Variants in CFAP100 observed in about 807,000 individuals in gnomAD.
CFAP100 encodes cilia- and flagella-associated protein 100.
A neutral mutation model predicts 81.5 loss-of-function variants in CFAP100; 70 were observed. The ratio of observed to expected loss-of-function variants is 0.86; its 90% CI spans 0.71 to 1.05. CFAP100 has a LOEUF of 1.05. Among genes scored for constraint, CFAP100 ranks in the 50% least tolerant of loss-of-function variants. CFAP100 has a pLI of 0.00. For synonymous variants in CFAP100, 341 were observed against 314.8 expected, an observed-to-expected ratio of 1.08 and a Z score of -0.88; for missense variants, 811 against 776.5, an observed-to-expected ratio of 1.04 and a Z score of -0.53.
At chr3:126,395,893 A>G (rs753014827) in intron 1 of CFAP100, 49 bp from the exon 2 acceptor site, 4 of 923,754 alleles carry the variant, frequency 4.3e-6, no homozygotes, top group Non-Finnish European at 6.9e-6. Flanking sequence ...GGGGGAAGGA[A>G]GCTCTGGGCT....
At chr3:126,427,023 G>A (rs922315165) in intron 13 of CFAP100, among the ~76,000 whole-genome samples, 1 of 152,204 alleles carries the variant, frequency 6.6e-6, no homozygotes, top group African/African-American at 2.4e-5. Context: ...AATAAATAGA[G>A]AGATATTCCA....
At chr3:126,412,426 T>C (rs1194989308) in intron 3 of CFAP100, among the ~76,000 whole-genome samples, 1 of 152,206 alleles carries the variant, frequency 6.6e-6, no homozygotes, top group Non-Finnish European at 1.5e-5. Context: ...CGGGCATCTT[T>C]GGGGGCTGTT....
chr3:126,407,120 C>A, intron 2 of CFAP100, 52 bp from the exon 3 acceptor site: 1 of 1,314,650 alleles, frequency 7.6e-7, no homozygotes, highest in Non-Finnish European at 1.1e-6. Context: ...GTTCACAGTT[C>A]TCATGGGCCA....
intron 3 of CFAP100, among the ~76,000 whole-genome samples, chr3:126,412,369 C>T (rs1284269444): frequency 6.6e-6 from 1 of 152,178 alleles, no homozygotes; most frequent in Admixed American, 6.6e-5. Flanking sequence ...TGCAAAGGCC[C>T]TTTCGCCATA....
chr3:126,400,638 A>G (rs564259423), intron 2 of CFAP100, among the ~76,000 whole-genome samples: 17 of 152,128 alleles, frequency 1.1e-4, no homozygotes, highest in Non-Finnish European at 1.6e-4. Context: ...TGTAGTCCCA[A>G]CTACTCCGGA....
intron 3 of CFAP100, 56 bp downstream of exon 3, chr3:126,407,308 C>T (rs1413218782): frequency 8.5e-7 from 1 of 1,173,138 alleles, no homozygotes; most frequent in Non-Finnish European, 1.3e-6. Context: ...ACTCCTCTCC[C>T]TCTGCCCCCA....
chr3:126,423,345 C>G lies in CFAP100; in HGVS notation c.1103C>G (p.Pro368Arg), dbSNP rs1193371449. The change falls in exon 12 of 17, where the codon CCC becomes CGC. Residue 368 changes from proline (P) to arginine (R), a missense_variant. Transcript: ENST00000352312. ...CGCAGGTCGAACTCTCCCATCCCCC[C>G]CACGCAGGAGGACACCGACAGCGAT... ...DSRGSNSPIP[P>R]TQEDTDSDGE... The G allele has an allele frequency of 3.7e-6, 6 of 1,613,518 alleles. No homozygotes were observed. The highest frequency in any genetic ancestry group is 3.3e-5 in the South Asian group (3 of 90,992).
chr3:126,427,545 TA>T (rs899635574), intron 13 of CFAP100, among the ~76,000 whole-genome samples: 4 of 152,194 alleles, frequency 2.6e-5, no homozygotes, highest in African/African-American at 9.6e-5. Context: ...TGTGTGGACG[TA>T]GGTTTTCAAC....
At chr3:126,414,349 C>A (rs1168098996) in intron 4 of CFAP100, 170 bp downstream of exon 4, 12 of 709,194 alleles carry the variant, frequency 1.7e-5, no homozygotes, top group Non-Finnish European at 3.1e-5. Flanking sequence ...CCTTACCTGG[C>A]TCTCAGGACT....
At position 126,423,366 on chromosome 3, in the gene CFAP100, G is replaced by A; in HGVS notation, c.1124G>A (p.Ser375Asn). 6.8e-6 allele frequency: 11 copies of A among 1,613,734 alleles called. No homozygotes were observed. The highest frequency in any genetic ancestry group is 7.6e-6 in the Non-Finnish European group (9 of 1,179,870). ...CCCCCCACGCAGGAGGACACCGACA[G>A]CGATGGGGAGGTGAATGGCCCAGTG... ...PIPPTQEDTD[S>N]DGEEPQLYFT... Residue 375 changes from serine to asparagine, a missense_variant, in exon 12 of 17, where the codon AGC becomes AAC. Transcript: ENST00000352312.
At chr3:126,405,044 T>C (rs1217687794) in intron 2 of CFAP100, among the ~76,000 whole-genome samples, 4 of 152,190 alleles carry the variant, frequency 2.6e-5, no homozygotes, top group South Asian at 2.1e-4. Context: ...TATATTTAAA[T>C]GTATGGTTCG....
At chr3:126,429,048 G>T (rs896072169) in intron 13 of CFAP100, among the ~76,000 whole-genome samples, 3 of 148,682 alleles carry the variant, frequency 2.0e-5, no homozygotes, top group African/African-American at 5.0e-5. Context: ...GGTGGAGGCT[G>T]CAGTGAGCCA....
At chr3:126,414,643 C>T (rs572454907) in intron 4 of CFAP100, among the ~76,000 whole-genome samples, 35 of 152,330 alleles carry the variant, frequency 2.3e-4, no homozygotes, top group African/African-American at 6.0e-4. Flanking sequence ...GCCCACGGCA[C>T]GCACACACGT....
At chr3:126,405,900 C>G (rs1243775083) in intron 2 of CFAP100, among the ~76,000 whole-genome samples, 1 of 152,028 alleles carries the variant, frequency 6.6e-6, no homozygotes, top group Non-Finnish European at 1.5e-5. Context: ...GGATCCTCCC[C>G]CCTCAGCCTC....
intron 2 of CFAP100, among the ~76,000 whole-genome samples, chr3:126,399,188 A>G (rs2082933494): frequency 6.6e-6 from 1 of 151,968 alleles, no homozygotes; most frequent in Admixed American, 6.5e-5. Flanking sequence ...GGCACGTTCT[A>G]CCCTCTGGCC....
intron 8 of CFAP100, 21 bp from the exon 9 acceptor site, chr3:126,419,616 C>G: frequency 6.2e-7 from 1 of 1,608,790 alleles, no homozygotes; most frequent in Non-Finnish European, 8.5e-7. Context: ...CTTCCCACAT[C>G]CTCACCCCGC....
At chr3:126,413,665 C>G (rs889329154) in intron 3 of CFAP100, among the ~76,000 whole-genome samples, 1 of 152,240 alleles carries the variant, frequency 6.6e-6, no homozygotes, top group African/African-American at 2.4e-5. Flanking sequence ...CCTGAAGAGA[C>G]AGATGCAAGT....
chr3:126,423,275 C>T, intron 11 of CFAP100, 50 bp from the exon 12 acceptor site: 1 of 1,528,036 alleles, frequency 6.5e-7, no homozygotes, highest in South Asian at 1.2e-5. Flanking sequence ...CCCCTGGCTC[C>T]TGTCTGCTCA....
At chr3:126,420,344 T>C (rs1399948585) in intron 11 of CFAP100, 115 bp downstream of exon 11, 26 of 1,412,774 alleles carry the variant, frequency 1.8e-5, no homozygotes, top group Non-Finnish European at 2.5e-5. Context: ...TTACTCACAG[T>C]CCCTACTCCA....
Sources: gnomAD v4.1 joint callset for allele counts (sites outside exome capture counted in the v4.1 genomes callset) on GRCh38, gnomAD v4.1.1 for gene constraint, MANE v1.5 for transcripts, NCBI Gene and HGNC (gene_info 2026-07-23, HGNC 2026-07-21) for gene names.